Variants in NIPA1 observed in about 807,000 individuals in gnomAD.
NIPA1 encodes magnesium transporter NIPA1.
NIPA1 carries 13 observed loss-of-function variants against 23.9 expected under a neutral mutation model. That is an observed-to-expected ratio of 0.54 (90% CI 0.35 to 0.87). NIPA1 has a LOEUF of 0.87. Ranked by LOEUF, NIPA1 falls within the 40% of genes least tolerant of loss-of-function variation. The pLI is 0.01. For missense variants in NIPA1, 362 were observed against 429.7 expected, an observed-to-expected ratio of 0.84 and a Z score of 1.39; for synonymous variants, 234 against 202.9, an observed-to-expected ratio of 1.15 and a Z score of -1.30.
In NIPA1 at chr15:22,799,502, G is replaced by A. The variant is rs770356248; in HGVS notation, c.179-11247G>A. 3.4e-4 allele frequency among the ~76,000 whole-genome samples: 51 copies of A among 152,006 alleles called. 1 individual carries two copies. Among genetic ancestry groups the A allele is most frequent in the Middle Eastern group, 3.4e-3 (1 of 294 alleles). ...TCTAAAAAAAATACAAAAATTGGCC[G>A]GCCAGCGCAGTGGCTCACACCTGTA... On this transcript the variant is annotated intron_variant, in intron 1 of 4. Transcript: ENST00000337435.
chr15:22,804,071 A>G (rs185226808), intron 1 of NIPA1, among the ~76,000 whole-genome samples: 8 of 151,364 alleles, frequency 5.3e-5, no homozygotes, highest in Admixed American at 3.3e-4. Flanking sequence ...CTGCCTCCCT[A>G]GTTCGAGCGA....
rs1895511448 is a variant in NIPA1 at position 22,820,346 on chromosome 15, G to A, written c.351G>A (p.Lys117=). The A allele has an allele frequency of 1.2e-6, 2 of 1,613,038 alleles. No individual in the cohort carries two copies. The highest frequency in any genetic ancestry group is 1.7e-6 in the Non-Finnish European group (2 of 1,179,016). ...SILASYLLKE[K]LNILGKLGCL... The stretch of plus-strand genomic sequence containing the variant: ...TAGCTTCCTATCTCCTGAAGGAAAA[G>A]CTCAACATCTTGGGCAAGTTGGGGT... Residue 117 remains lysine (K), a synonymous_variant, in exon 4 of 5, where the codon AAG becomes AAA. Coordinates refer to ENST00000337435, the MANE Select transcript of NIPA1 (RefSeq NM_144599.5).
chr15:22,810,790 A>G lies in NIPA1; in HGVS notation c.220A>G (p.Ile74Val). Reference sequence around the variant, plus strand: ...AGACATTGTGTGGTGGGCTGGCACAATCGCAAGTAAGTAGCCTGTGTGGCG... The same window carrying G: ...AGACATTGTGTGGTGGGCTGGCACAGTCGCAAGTAAGTAGCCTGTGTGGCG... ...LTDIVWWAGT[I>V]AMAVGQIGNF... Residue 74 changes from isoleucine to valine, a missense_variant, in exon 2 of 5, where the codon ATC becomes GTC. Ile to Val is a conservative substitution (Grantham distance 29). Transcript: ENST00000337435. The G allele has an allele frequency of 6.2e-7, 1 of 1,608,888 alleles. No individual in the cohort carries two copies. Among genetic ancestry groups the G allele is most frequent in the Non-Finnish European group, 8.5e-7 (1 of 1,175,200 alleles).
At chr15:22,789,237 CCT>C (rs1182688562) in intron 1 of NIPA1, among the ~76,000 whole-genome samples, 1 of 152,090 alleles carries the variant, frequency 6.6e-6, no homozygotes, top group Non-Finnish European at 1.5e-5. Flanking sequence ...GATCTGCCCA[CCT>C]CAGTCTCCCA....
intron 1 of NIPA1, among the ~76,000 whole-genome samples, chr15:22,796,208 C>A (rs1462478263): frequency 1.3e-5 from 2 of 152,022 alleles, no homozygotes; most frequent in African/African-American, 4.8e-5. Flanking sequence ...ATGTGTGAGC[C>A]ACCATGCATG....
upstream of NIPA1, chr15:22,786,339 G>A (rs1193011287): frequency 1.3e-5 from 2 of 152,754 alleles, no homozygotes; most frequent in African/African-American, 4.8e-5. Flanking sequence ...TATTGCAGAG[G>A]ACACCACTCA....
chr15:22,803,060 G>A (rs1595635963), intron 1 of NIPA1, among the ~76,000 whole-genome samples: 1 of 151,976 alleles, frequency 6.6e-6, no homozygotes, highest in South Asian at 2.1e-4. Context: ...GGGTTCAAGC[G>A]ATTCTCCTGC....
chr15:22,802,591 G>T (rs1020825635), intron 1 of NIPA1, among the ~76,000 whole-genome samples: 1 of 151,834 alleles, frequency 6.6e-6, no homozygotes, highest in Non-Finnish European at 1.5e-5. Context: ...AGAATAAGCT[G>T]CACAGATCTT....
Position 22,827,709 on chromosome 15 carries a change from CT to C in NIPA1, c.*3472del, listed in dbSNP as rs1895679494. The C allele has an allele frequency of 6.6e-6, 1 of 152,132 alleles. No individual in the cohort carries two copies. Among genetic ancestry groups the C allele is most frequent in the Non-Finnish European group, 1.5e-5 (1 of 68,024 alleles). 9.4% of individuals were successfully genotyped at this position (152,132 alleles called of 1,614,324 possible). ...TTCTGGTAGAAGTGAGCACTGTTCA[CT>C]TGTGCAGTCGTCTTATTTTCCTTCT... On this transcript the variant is annotated 3_prime_UTR_variant, in exon 5 of 5. Transcript: ENST00000337435.
intron 3 of NIPA1, among the ~76,000 whole-genome samples, chr15:22,816,414 CCTG>C (rs1895419125): frequency 6.7e-6 from 1 of 149,268 alleles, no homozygotes; most frequent in Non-Finnish European, 1.5e-5. Context: ...GTCTTGATTT[CCTG>C]ACCTTGTGGT....
chr15:22,815,192 A>G (rs944565249), intron 3 of NIPA1, among the ~76,000 whole-genome samples: 5 of 152,218 alleles, frequency 3.3e-5, no homozygotes, highest in Non-Finnish European at 5.9e-5. Context: ...AGAGATATTC[A>G]GATTCTCTCC....
chr15:22,822,068 G>A (rs2140876288), intron 4 of NIPA1, among the ~76,000 whole-genome samples: 1 of 152,238 alleles, frequency 6.6e-6, no homozygotes, highest in South Asian at 2.1e-4. Context: ...ACTGACGTGG[G>A]GGTGTAATGT....
Position 22,808,990 on chromosome 15 carries a change from C to A in NIPA1, c.179-1759C>A, listed in dbSNP as rs74553782. On this transcript the variant is annotated intron_variant, in intron 1 of 4. Transcript: ENST00000337435. Reference sequence around the variant, plus strand: ...CAGCCCCCATTTCATTTTGTAAGTACTTTTTCTAATACTTGTAGCTCTGCT... The same window carrying A: ...CAGCCCCCATTTCATTTTGTAAGTAATTTTTCTAATACTTGTAGCTCTGCT... Among the ~76,000 whole-genome samples, 1,120 of 152,180 alleles carry A rather than the reference C, an allele frequency of 7.4e-3. 22 individuals carry two copies. The highest frequency in any genetic ancestry group is 0.062 in the East Asian group (320 of 5,164).
chr15:22,806,927 CTT>C (rs1265201849), intron 1 of NIPA1, among the ~76,000 whole-genome samples: 5 of 152,128 alleles, frequency 3.3e-5, no homozygotes, highest in Non-Finnish European at 7.4e-5. Context: ...AGGAGCTTCA[CTT>C]TTGTTTATGG....
intron 1 of NIPA1, among the ~76,000 whole-genome samples, chr15:22,799,527 A>C (rs924087054): frequency 6.6e-6 from 1 of 152,074 alleles, no homozygotes; most frequent in East Asian, 1.9e-4. Context: ...TCACACCTGT[A>C]ATCCCAGCAC....
At position 22,827,357 on chromosome 15, in the gene NIPA1, C is replaced by T. The variant is rs1895673542; in HGVS notation, c.*3118C>T. The T allele has an allele frequency of 6.6e-6, 1 of 152,156 alleles. No homozygotes were observed. The allele number at this position is 152,156 out of a possible 1,614,324, so 9.4% of individuals were successfully genotyped here. On this transcript the variant is annotated 3_prime_UTR_variant, in exon 5 of 5. Transcript: ENST00000337435. ...CCAGCACCACAAAGCCCCCCTGGAG[C>T]ATCTTCCCGGCTGGCAGGACCATGC...
At chr15:22,800,569 G>T (rs1895054658) in intron 1 of NIPA1, among the ~76,000 whole-genome samples, 1 of 151,898 alleles carries the variant, frequency 6.6e-6, no homozygotes, top group Non-Finnish European at 1.5e-5. Context: ...GAGGTGAGCG[G>T]ATCACCTGAG....
At chr15:22,799,514 G>A (rs909147921) in intron 1 of NIPA1, among the ~76,000 whole-genome samples, 5 of 152,006 alleles carry the variant, frequency 3.3e-5, no homozygotes, top group Non-Finnish European at 5.9e-5. Context: ...CCAGCGCAGT[G>A]GCTCACACCT....
intron 1 of NIPA1, 25 bp downstream of exon 1, chr15:22,786,859 C>T: frequency 1.0e-5 from 2 of 196,058 alleles, no homozygotes; most frequent in Non-Finnish European, 2.0e-5. Flanking sequence ...AGGCGGCAGG[C>T]GGCGGGCGGG....
Sources: allele counts gnomAD v4.1 joint callset (sites outside exome capture counted in the v4.1 genomes callset), GRCh38; gene constraint gnomAD v4.1.1; transcripts MANE v1.5; gene names NCBI Gene and HGNC (gene_info 2026-07-23, HGNC 2026-07-21).